ZCCHC4: variants seen among roughly 807,000 people sequenced by gnomAD.
ZCCHC4 encodes the protein rRNA N(6)-adenosine-methyltransferase ZCCHC4.
In ZCCHC4, 54 loss-of-function variants were observed where a neutral mutation model predicts 67.7. That is an observed-to-expected ratio of 0.80 (90% CI 0.64 to 1.00). The LOEUF is 1.00. ZCCHC4 is among the 50% of genes least tolerant of loss of function. ZCCHC4 has a pLI of 0.00. For synonymous variants in ZCCHC4, 198 were observed against 213.5 expected (o/e 0.93, Z 0.63); for missense variants, 609 against 617.0 (o/e 0.99, Z 0.14).
intron 3 of ZCCHC4, among the ~76,000 whole-genome samples, chr4:25,318,924 C>T (rs2109048851): frequency 6.6e-6 from 1 of 152,236 alleles, no homozygotes; most frequent in East Asian, 1.9e-4. Context: ...AGTCTCCATC[C>T]AACCATCTGT....
chr4:25,314,098 G>A lies in ZCCHC4; in HGVS notation c.180G>A (p.Arg60=). The change falls in exon 2 of 13, where the codon AGG becomes AGA. Residue 60 remains arginine (R), a synonymous_variant. Transcript: ENST00000302874. ...CCCAAGGGAAAGAAGAAACTCGGAG[G>A]TTTTATGCCTGTTCAGCCTGTAGAG... The part of the protein sequence containing the change: ...KVTQGKEETR[R]FYACSACRDR... 6.2e-7 allele frequency: 1 copy of A among 1,612,560 alleles called. No homozygotes were observed. Among genetic ancestry groups the A allele is most frequent in the Non-Finnish European group, 8.5e-7 (1 of 1,179,540 alleles).
chr4:25,362,415 A>C, intron 10 of ZCCHC4, 114 bp downstream of exon 10: 1 of 569,582 alleles, frequency 1.8e-6, no homozygotes. Context: ...ATTAATATGT[A>C]TTATCATTTA....
At chr4:25,349,832 G>T in intron 7 of ZCCHC4, 190 bp downstream of exon 7, 1 of 603,320 alleles carries the variant, frequency 1.7e-6, no homozygotes, top group Admixed American at 3.3e-5. Flanking sequence ...CTAATCATGT[G>T]GATTTTTTTA....
At chr4:25,343,776 G>T (rs1176716868) in intron 5 of ZCCHC4, among the ~76,000 whole-genome samples, 1 of 152,144 alleles carries the variant, frequency 6.6e-6, no homozygotes, top group Non-Finnish European at 1.5e-5. Context: ...TATTCACCAT[G>T]GATGCTCAAT....
intron 8 of ZCCHC4, among the ~76,000 whole-genome samples, chr4:25,360,230 G>A (rs1294542449): frequency 2.0e-5 from 3 of 152,180 alleles, no homozygotes; most frequent in Admixed American, 6.5e-5. Flanking sequence ...ATTTAGAAGC[G>A]GCAACACTCC....
At chr4:25,327,617 C>T (rs1718960326) in intron 3 of ZCCHC4, among the ~76,000 whole-genome samples, 1 of 152,074 alleles carries the variant, frequency 6.6e-6, no homozygotes. Flanking sequence ...GTAGCTGGGA[C>T]TATAGGTGTG....
intron 8 of ZCCHC4, chr4:25,352,255 T>C: frequency 2.0e-6 from 2 of 985,470 alleles, no homozygotes; most frequent in South Asian, 9.4e-5. Context: ...ATTTTCCCCC[T>C]GCCTGAAATG....
At chr4:25,330,068 A>G (rs994670027) in intron 3 of ZCCHC4, among the ~76,000 whole-genome samples, 2 of 152,080 alleles carry the variant, frequency 1.3e-5, no homozygotes, top group East Asian at 1.9e-4. Flanking sequence ...CTCAGCTTAC[A>G]GTAGCCTCCG....
At chr4:25,353,841 G>A (rs1720407644) in intron 8 of ZCCHC4, among the ~76,000 whole-genome samples, 1 of 152,104 alleles carries the variant, frequency 6.6e-6, no homozygotes, top group Non-Finnish European at 1.5e-5. Flanking sequence ...TTAAGTTTAG[G>A]TTCTTGCTGT....
At chr4:25,325,348 A>G (rs1193229918) in intron 3 of ZCCHC4, among the ~76,000 whole-genome samples, 1 of 147,428 alleles carries the variant, frequency 6.8e-6, no homozygotes, top group African/African-American at 2.5e-5. Context: ...GCTCACTGCA[A>G]CCTCTGTCTC....
intron 3 of ZCCHC4, among the ~76,000 whole-genome samples, chr4:25,317,452 C>A (rs1011976061): frequency 1.3e-5 from 2 of 151,988 alleles, no homozygotes; most frequent in African/African-American, 4.8e-5. Flanking sequence ...TGGCTCATAC[C>A]TGTAATTCCA....
chr4:25,312,993 T>C (rs1268526275), intron 1 of ZCCHC4, 57 bp downstream of exon 1: 1 of 1,590,974 alleles, frequency 6.3e-7, no homozygotes, highest in Non-Finnish European at 8.5e-7. Flanking sequence ...TGAGTTGGCT[T>C]GGAAGTGGCT....
chr4:25,329,324 A>G (rs1167114174), intron 3 of ZCCHC4, among the ~76,000 whole-genome samples: 1 of 151,898 alleles, frequency 6.6e-6, no homozygotes, highest in African/African-American at 2.4e-5. Context: ...TACTTTCAAA[A>G]TCCACCCTCC....
intron 3 of ZCCHC4, among the ~76,000 whole-genome samples, chr4:25,329,102 G>C (rs1453979231): frequency 6.6e-6 from 1 of 152,034 alleles, no homozygotes; most frequent in East Asian, 2.0e-4. Context: ...TGGGAGGACT[G>C]CTTGAGTCTG....
Position 25,362,262 on chromosome 4 carries a change from G to T in ZCCHC4, c.1170G>T (p.Glu390Asp), listed in dbSNP as rs551813530. ...CGTGTCAACGGTATGTTTCTCTAGA[G>T]AATCAACACTGTGAGCTCTGTAATT... is the stretch of plus-strand genomic sequence containing the variant. ...CSPCQRYVSLENQHCELCNSC... is the reference protein window; with the variant it reads ...CSPCQRYVSLDNQHCELCNSC... Residue 390 changes from glutamate to aspartate, a missense_variant, in exon 10 of 13, where the codon GAG becomes GAT. By Grantham distance (45) the Glu-to-Asp change is conservative. Transcript: ENST00000302874. The T allele has an allele frequency of 6.2e-7, 1 of 1,611,310 alleles. No homozygotes were observed. Among genetic ancestry groups the T allele is most frequent in the South Asian group, 1.1e-5 (1 of 90,528 alleles).
chr4:25,318,076 T>C (rs10939051), intron 3 of ZCCHC4, among the ~76,000 whole-genome samples: 79,355 of 152,008 alleles, frequency 0.52, 21,965 homozygotes, highest in Non-Finnish European at 0.61. Context: ...AACCACACGG[T>C]CCGTGGTTTC....
At chr4:25,334,826 CAAAG>C (rs928562166) in intron 5 of ZCCHC4, among the ~76,000 whole-genome samples, 22 of 151,958 alleles carry the variant, frequency 1.4e-4, no homozygotes, top group Non-Finnish European at 4.4e-5. Flanking sequence ...TTCCTAAAAA[CAAAG>C]AAGACAGATT....
At chr4:25,314,538 C>A (rs1365628292) in intron 2 of ZCCHC4, among the ~76,000 whole-genome samples, 1 of 152,152 alleles carries the variant, frequency 6.6e-6, no homozygotes, top group Non-Finnish European at 1.5e-5. Context: ...GCTGGCAGAT[C>A]TAGTGTCTGG....
chr4:25,362,402 T>C (rs1720779858), intron 10 of ZCCHC4, 101 bp downstream of exon 10: 2 of 617,704 alleles, frequency 3.2e-6, no homozygotes, highest in Non-Finnish European at 5.1e-6. Context: ...TAATAGGATT[T>C]GTATTAATAT....
Sources: gnomAD v4.1 joint callset for allele counts (sites outside exome capture counted in the v4.1 genomes callset) on GRCh38, gnomAD v4.1.1 for gene constraint, MANE v1.5 for transcripts, NCBI Gene and HGNC (gene_info 2026-07-23, HGNC 2026-07-21) for gene names.